MAP7D2: variants seen among roughly 807,000 people sequenced by gnomAD.
The protein encoded by MAP7D2 is MAP7 domain-containing protein 2.
Under a neutral mutation model 63.5 loss-of-function variants are expected in MAP7D2, and 33 were observed. The observed-to-expected ratio is 0.52, with a 90% CI of 0.39 to 0.70. MAP7D2 has a LOEUF of 0.70. Among genes scored for constraint, MAP7D2 ranks in the 30% least tolerant of loss-of-function variants. The pLI is 0.00. For synonymous variants in MAP7D2, 224 were observed against 223.7 expected (o/e 1.00, Z -0.01); for missense variants, 626 against 604.0 (o/e 1.04, Z -0.38).
intron 1 of MAP7D2, among the ~76,000 whole-genome samples, chrX:20,088,279 G>T (rs182522443): frequency 5.0e-4 from 49 of 98,560 alleles, no homozygotes; most frequent in Non-Finnish European, 8.6e-4. Flanking sequence ...TCACAAGAAG[G>T]TTGGTCAATA....
chrX:20,042,666 G>A, intron 7 of MAP7D2, 37 bp from the exon 8 acceptor site: 1 of 1,203,646 alleles, frequency 8.3e-7, no homozygotes, highest in Admixed American at 2.2e-5. Context: ...TCCATGACTG[G>A]CACTACTTCC....
chrX:20,007,315 GAAGAA>G lies in MAP7D2; in HGVS notation c.*1105_*1109del, dbSNP rs746379297. ...ACAAGTCAAAACAAAAAGTTTCAAA[GAAGAA>G]AAGGTCATTTTAATTTGAAAGCCAC... On this transcript the variant is annotated 3_prime_UTR_variant, in exon 17 of 17. Coordinates refer to ENST00000379643, the MANE Select transcript of MAP7D2 (RefSeq NM_001168465.2). 44 of 112,286 alleles carry G rather than the reference GAAGAA, an allele frequency of 3.9e-4. No individual in the cohort carries two copies. The highest frequency in any genetic ancestry group is 1.4e-3 in the African/African-American group (43 of 30,839). 9.3% of individuals were successfully genotyped at this position (112,286 alleles called of 1,213,427 possible).
intron 8 of MAP7D2, among the ~76,000 whole-genome samples, chrX:20,026,755 C>T (rs920536181): frequency 8.9e-6 from 1 of 111,933 alleles, no homozygotes; most frequent in African/African-American, 3.2e-5. Flanking sequence ...CCAGCCTAGG[C>T]TGGGCTCCTG....
At chrX:20,009,414 A>G (rs923634268) in intron 16 of MAP7D2, among the ~76,000 whole-genome samples, 10 of 111,661 alleles carry the variant, frequency 9.0e-5, no homozygotes, top group African/African-American at 2.9e-4. Flanking sequence ...CTGTAATCCT[A>G]GCACTTTGGG....
At chrX:20,066,143 C>T (rs918630239) in intron 1 of MAP7D2, among the ~76,000 whole-genome samples, 13 of 111,237 alleles carry the variant, frequency 1.2e-4, no homozygotes, top group Non-Finnish European at 2.1e-4. Flanking sequence ...AGGATGGTCT[C>T]GATCTCCTGA....
chrX:20,094,472 TA>T (rs1230441143), intron 1 of MAP7D2, among the ~76,000 whole-genome samples: 2 of 62,231 alleles, frequency 3.2e-5, no homozygotes, highest in African/African-American at 9.9e-5. Flanking sequence ...GAATTGGTAA[TA>T]AAAAAAATAC....
At chrX:20,100,627 G>C (rs190748131) in intron 1 of MAP7D2, among the ~76,000 whole-genome samples, 3 of 109,527 alleles carry the variant, frequency 2.7e-5, no homozygotes, top group Non-Finnish European at 5.7e-5. Context: ...GGGGGAGGGA[G>C]GGGAAGGAGC....
intron 1 of MAP7D2, among the ~76,000 whole-genome samples, chrX:20,084,869 G>A (rs909118307): frequency 2.7e-5 from 3 of 111,280 alleles, no homozygotes; most frequent in Non-Finnish European, 5.7e-5. Context: ...TACCACACCC[G>A]GCCAGTAGGG....
At chrX:20,091,272 CA>C (rs1477517548) in intron 1 of MAP7D2, among the ~76,000 whole-genome samples, 1 of 105,422 alleles carries the variant, frequency 9.5e-6, no homozygotes, top group Non-Finnish European at 1.9e-5. Context: ...AGGCTGGTCT[CA>C]AACTCCTGAC....
chrX:20,055,409 T>C (rs1292527096), intron 4 of MAP7D2, among the ~76,000 whole-genome samples: 2 of 111,983 alleles, frequency 1.8e-5, no homozygotes, highest in East Asian at 5.6e-4. Flanking sequence ...AATGCCCTGC[T>C]TCTTAATGTC....
chrX:20,071,998 T>C (rs1382152736), intron 1 of MAP7D2, among the ~76,000 whole-genome samples: 2 of 111,053 alleles, frequency 1.8e-5, no homozygotes, highest in Non-Finnish European at 3.8e-5. Flanking sequence ...ACTCTTGTCT[T>C]ATCTCTGAAT....
intron 3 of MAP7D2, among the ~76,000 whole-genome samples, chrX:20,058,037 G>A (rs900871233): frequency 1.8e-5 from 2 of 112,433 alleles, no homozygotes; most frequent in African/African-American, 6.5e-5. Context: ...CCTCTCCAGG[G>A]ACCTGTAAGC....
intron 1 of MAP7D2, among the ~76,000 whole-genome samples, chrX:20,099,370 C>T (rs747174472): frequency 4.0e-4 from 44 of 111,201 alleles, no homozygotes; most frequent in African/African-American, 1.4e-3. Context: ...CTCATGAAAC[C>T]AGGTGTGTGC....
chrX:20,019,020 T>C (rs766979530), intron 10 of MAP7D2, among the ~76,000 whole-genome samples: 4 of 109,835 alleles, frequency 3.6e-5, no homozygotes, highest in African/African-American at 1.3e-4. Context: ...GCTCTGTGTG[T>C]AGTCCTTTTT....
intron 1 of MAP7D2, among the ~76,000 whole-genome samples, chrX:20,078,459 A>G (rs1461223234): frequency 8.9e-6 from 1 of 112,381 alleles, no homozygotes; most frequent in East Asian, 2.8e-4. Context: ...GCACTGACAG[A>G]GAGACCTAGA....
chrX:20,050,956 GGAATCA>G lies in MAP7D2; in HGVS notation c.596-16_596-11del, dbSNP rs770509494. The G allele has an allele frequency of 5.4e-6, 6 of 1,118,534 alleles. No individual in the cohort carries two copies. The East Asian group carries it at 1.7e-4, about 31-fold the overall frequency. 92.2% of individuals were successfully genotyped at this position (1,118,534 alleles called of 1,213,427 possible). A position where few individuals can be genotyped will look rare whatever the true frequency, so the allele number is the denominator to read the frequency against. The stretch of plus-strand genomic sequence containing the variant: ...AGGTGCATGTGATGAGCTGAGGGAT[GGAATCA>G]AATGAAAATTTTAAAAAGCAAAATT... On this transcript the variant is annotated splice_polypyrimidine_tract_variant and intron_variant, in intron 5 of 16. Transcript: ENST00000379643.
At chrX:20,094,562 A>ATGTGTG (rs1333923278) in intron 1 of MAP7D2, among the ~76,000 whole-genome samples, 1 of 13,234 alleles carries the variant, frequency 7.6e-5, no homozygotes, top group Admixed American at 1.4e-3. Flanking sequence ...ATATATATAT[A>ATGTGTG]TATATACATA....
chrX:20,046,491 A>G, intron 6 of MAP7D2, among the ~76,000 whole-genome samples: 1 of 112,524 alleles, frequency 8.9e-6, no homozygotes, highest in Non-Finnish European at 1.9e-5. Flanking sequence ...TTTGTGTTTA[A>G]TTTTCTGGAG....
intron 3 of MAP7D2, among the ~76,000 whole-genome samples, chrX:20,059,733 AAAAG>A (rs1013612247): frequency 9.2e-6 from 1 of 108,219 alleles, no homozygotes; most frequent in Non-Finnish European, 1.9e-5. Context: ...AGGAAGGAAA[AAAAG>A]AAGGAAGGAA....
Sources: gnomAD v4.1 joint callset for allele counts (sites outside exome capture counted in the v4.1 genomes callset) on GRCh38, gnomAD v4.1.1 for gene constraint, MANE v1.5 for transcripts, NCBI Gene and HGNC (gene_info 2026-07-23, HGNC 2026-07-21) for gene names.